The following SERGEF variants were observed in gnomAD, a reference collection of about 807,000 sequenced individuals.
The protein encoded by SERGEF is secretion-regulating guanine nucleotide exchange factor.
SERGEF carries 51 observed loss-of-function variants against 50.0 expected under a neutral mutation model. The ratio of observed to expected loss-of-function variants is 1.02; its 90% CI spans 0.81 to 1.29. SERGEF has a LOEUF of 1.29. Among genes scored for constraint, SERGEF ranks in the 50% most tolerant of loss-of-function variants. SERGEF has a pLI of 0.00. For missense variants in SERGEF, 521 were observed against 557.0 expected, an observed-to-expected ratio of 0.94 and a Z score of 0.65; for synonymous variants, 205 against 212.4, an observed-to-expected ratio of 0.97 and a Z score of 0.30.
intron 9 of SERGEF, among the ~76,000 whole-genome samples, chr11:17,881,881 G>A (rs1481110981): frequency 6.6e-6 from 1 of 152,296 alleles, no homozygotes; most frequent in East Asian, 1.9e-4. Flanking sequence ...GGATCCCAGT[G>A]TTGGTAGGAT....
intron 8 of SERGEF, among the ~76,000 whole-genome samples, chr11:17,981,250 T>C (rs1043513004): frequency 2.0e-5 from 3 of 152,250 alleles, no homozygotes; most frequent in Non-Finnish European, 2.9e-5. Context: ...TTCTGTAGCA[T>C]AGTACTATAT....
chr11:17,888,351 C>A lies in SERGEF; in HGVS notation c.1012-10107G>T, dbSNP rs1851468565. ...AGGGGGTCAGAATAACTCTTGAACACAGTACTTTGACTAAATAACTTCTGT... is the reference window on the plus strand; with the variant it reads ...AGGGGGTCAGAATAACTCTTGAACAAAGTACTTTGACTAAATAACTTCTGT... On this transcript the variant is annotated intron_variant, in intron 9 of 10. Coordinates refer to ENST00000265965, the MANE Select transcript of SERGEF (RefSeq NM_012139.4). The surrounding 1 kb of genome is among the most constrained non-coding windows in gnomAD (Gnocchi z 4.1). Among the ~76,000 whole-genome samples, 1 of 152,126 alleles carries A rather than the reference C, an allele frequency of 6.6e-6. No homozygotes were observed. Among genetic ancestry groups the A allele is most frequent in the African/African-American group, 2.4e-5 (1 of 41,418 alleles).
intron 10 of SERGEF, among the ~76,000 whole-genome samples, chr11:17,797,914 G>A (rs552402549): frequency 3.3e-5 from 5 of 152,300 alleles, no homozygotes; most frequent in South Asian, 4.1e-4. Context: ...CACAGGTCCT[G>A]AGCCCCCAGG....
intron 9 of SERGEF, among the ~76,000 whole-genome samples, chr11:17,882,626 T>C (rs1337847094): frequency 6.6e-6 from 1 of 152,028 alleles, no homozygotes; most frequent in East Asian, 1.9e-4. Flanking sequence ...GACTGCCTGC[T>C]CAGTAGTCTT....
At chr11:17,963,364 TAAAAAAAAAAAAAAAA>T (rs1174880141) in intron 8 of SERGEF, among the ~76,000 whole-genome samples, 8 of 49,882 alleles carry the variant, frequency 1.6e-4, no homozygotes, top group African/African-American at 3.1e-4. Context: ...TTACTATTAG[TAAAAAAAAAAAAAAAA>T]AAAAAAAAAA....
At position 17,988,881 on chromosome 11, in the gene SERGEF, TG is replaced by T. The variant is rs1853652381; in HGVS notation, c.686-127del. 10 of 872,916 alleles carry T rather than the reference TG, an allele frequency of 1.1e-5. No individual in the cohort carries two copies. In the South Asian group the frequency reaches 1.9e-4, roughly 16 times the overall value. 54.1% of individuals were successfully genotyped at this position (872,916 alleles called of 1,614,324 possible). ...TTTATACTTAGACTACAAGGTTGAG[TG>T]GAGCCAAGCAGGTTACAAAATTTGT... On this transcript the variant is annotated intron_variant, in intron 7 of 10. Transcript: ENST00000265965.
chr11:17,998,478 TA>T, intron 5 of SERGEF, among the ~76,000 whole-genome samples: 1 of 111,854 alleles, frequency 8.9e-6, no homozygotes, highest in South Asian at 3.1e-4. Context: ...TATATATATA[TA>T]TATATATATG....
Position 17,991,811 on chromosome 11 carries a change from G to A in SERGEF, c.685+1120C>T, listed in dbSNP as rs757409934. Among the ~76,000 whole-genome samples the A allele has an allele frequency of 6.6e-6, 1 of 152,238 alleles. No homozygotes were observed. The highest frequency in any genetic ancestry group is 6.5e-5 in the Admixed American group (1 of 15,290). ...TGGGCTGCATTGCAAATTTGATGTC[G>A]AAGAATGCATACCACCATTAATTTA... On this transcript the variant is annotated intron_variant, in intron 7 of 10. Transcript: ENST00000265965. The surrounding 1 kb of genome is among the most constrained non-coding windows in gnomAD (Gnocchi z 4.9).
intron 10 of SERGEF, among the ~76,000 whole-genome samples, chr11:17,857,389 G>A (rs1212064577): frequency 2.6e-5 from 4 of 152,166 alleles, no homozygotes. Flanking sequence ...GATCAGCTAA[G>A]ATTTTGCTTC....
At chr11:17,984,322 C>T (rs891158558) in intron 8 of SERGEF, among the ~76,000 whole-genome samples, 2 of 152,166 alleles carry the variant, frequency 1.3e-5, no homozygotes, top group African/African-American at 2.4e-5. Flanking sequence ...AGCGTACAAT[C>T]ATGGTGGAAG....
At chr11:17,806,657 C>A (rs1480878429) in intron 10 of SERGEF, among the ~76,000 whole-genome samples, 1 of 152,106 alleles carries the variant, frequency 6.6e-6, no homozygotes, top group Non-Finnish European at 1.5e-5. Context: ...CTAATGGGCA[C>A]GAGAAATATC....
chr11:17,912,943 G>T (rs766585386), intron 9 of SERGEF, among the ~76,000 whole-genome samples: 8 of 152,164 alleles, frequency 5.3e-5, no homozygotes, highest in African/African-American at 9.7e-5. Context: ...TAATTCATAG[G>T]ACTGCTGTGA....
intron 10 of SERGEF, among the ~76,000 whole-genome samples, chr11:17,806,369 A>G (rs1205388999): frequency 1.3e-5 from 2 of 152,248 alleles, no homozygotes; most frequent in East Asian, 1.9e-4. Context: ...AGCTCTTACC[A>G]TATATCAAGA....
intron 10 of SERGEF, among the ~76,000 whole-genome samples, chr11:17,844,290 T>C (rs1043130976): frequency 6.6e-6 from 1 of 152,244 alleles, no homozygotes; most frequent in African/African-American, 2.4e-5. Context: ...TTTATGTACA[T>C]GGATTAGGTA....
At chr11:17,850,429 T>C (rs553492274) in intron 10 of SERGEF, among the ~76,000 whole-genome samples, 3 of 152,298 alleles carry the variant, frequency 2.0e-5, no homozygotes, top group African/African-American at 7.2e-5. Flanking sequence ...GTTGCAATGA[T>C]TAAATGTTAT....
chr11:18,008,159 C>T, intron 1 of SERGEF, 83 bp from the exon 2 acceptor site: 1 of 1,395,398 alleles, frequency 7.2e-7, no homozygotes, highest in Non-Finnish European at 9.9e-7. Flanking sequence ...CTCTCTCACC[C>T]TGACGTATCT....
intron 10 of SERGEF, among the ~76,000 whole-genome samples, chr11:17,832,237 G>A (rs752426931): frequency 3.9e-5 from 6 of 152,130 alleles, no homozygotes; most frequent in African/African-American, 4.8e-5. Context: ...AATCATTCTC[G>A]TGCTGTTGTC....
At chr11:17,943,537 T>C (rs1852599694) in intron 9 of SERGEF, among the ~76,000 whole-genome samples, 2 of 152,170 alleles carry the variant, frequency 1.3e-5, no homozygotes, top group Admixed American at 1.3e-4. Flanking sequence ...CTTTTATTTT[T>C]CTCTCCTTTC....
At position 17,999,546 on chromosome 11, in the gene SERGEF, C is replaced by G. The variant is rs1386168816; in HGVS notation, c.508+951G>C. On this transcript the variant is annotated intron_variant, in intron 5 of 10. Coordinates refer to ENST00000265965, the MANE Select transcript of SERGEF (RefSeq NM_012139.4). ...GTGGACTCACGAAGCACCTGAGCCT[C>G]AGCTGCCACAGCCAATTAGTGCTGT... 3 of 456,118 alleles carry G rather than the reference C, an allele frequency of 6.6e-6. No individual in the cohort carries two copies. The Admixed American group carries it at 7.1e-5, about 11-fold the overall frequency. The allele number at this position is 456,118 out of a possible 1,614,324, so 28.3% of individuals were successfully genotyped here.
Sources: allele counts gnomAD v4.1 joint callset (sites outside exome capture counted in the v4.1 genomes callset), GRCh38; gene constraint gnomAD v4.1.1; non-coding constraint Gnocchi (gnomAD v3.1); transcripts MANE v1.5; gene names NCBI Gene and HGNC (gene_info 2026-07-23, HGNC 2026-07-21).